Variants in SPTLC3 observed in about 807,000 individuals in gnomAD.
The protein encoded by SPTLC3 is serine palmitoyltransferase long chain base subunit 3.
Under a neutral mutation model 59.3 loss-of-function variants are expected in SPTLC3, and 36 were observed. The ratio of observed to expected loss-of-function variants is 0.61; its 90% CI spans 0.47 to 0.80. The LOEUF (loss-of-function observed/expected upper bound fraction) is 0.80, where lower values mean the gene tolerates loss of function less well. Ranked by LOEUF, SPTLC3 falls within the 30% of genes least tolerant of loss-of-function variation. The pLI, the probability that SPTLC3 is intolerant of heterozygous loss-of-function variation, is 0.00. For missense variants in SPTLC3, 625 were observed against 685.1 expected (o/e 0.91, Z 0.98); for synonymous variants, 257 against 240.8 (o/e 1.07, Z -0.62).
At position 13,072,367 on chromosome 20, in the gene SPTLC3, G is replaced by A. The variant is rs1427113396; in HGVS notation, c.415G>A (p.Asp139Asn). ...CTGCAGTGCCCCAGGGCCTCTGTTT[G>A]ATTTGATGGAGAGGGTATCAGACGA... ...PICSAPGPLF[D>N]LMERVSDDYN... Residue 139 changes from aspartate (D) to asparagine (N), a missense_variant, in exon 3 of 12, where the codon GAT becomes AAT. Physicochemically the swap from Asp to Asn is conservative, Grantham distance 23. Transcript: ENST00000399002. 6.2e-7 allele frequency: 1 copy of A among 1,613,116 alleles called. No individual in the cohort carries two copies. The highest frequency in any genetic ancestry group is 1.3e-5 in the African/African-American group (1 of 74,974).
At chr20:13,126,343 A>G (rs2037989636) in intron 8 of SPTLC3, among the ~76,000 whole-genome samples, 1 of 152,248 alleles carries the variant, frequency 6.6e-6, no homozygotes, top group South Asian at 2.1e-4. Flanking sequence ...GTTTTGCCTT[A>G]AAGTTCAACT....
intron 6 of SPTLC3, among the ~76,000 whole-genome samples, chr20:13,094,115 C>A (rs1423891167): frequency 2.0e-5 from 3 of 152,088 alleles, no homozygotes; most frequent in African/African-American, 2.4e-5. Context: ...GCTATTTCTT[C>A]TTTTAGGGTC....
intron 2 of SPTLC3, among the ~76,000 whole-genome samples, chr20:13,056,128 CA>C (rs1267325647): frequency 6.6e-6 from 1 of 152,192 alleles, no homozygotes; most frequent in Non-Finnish European, 1.5e-5. Flanking sequence ...GCCTGCACTT[CA>C]ACACTTGCCC....
chr20:13,148,418 A>C (rs1228271582), intron 9 of SPTLC3, among the ~76,000 whole-genome samples: 1 of 152,140 alleles, frequency 6.6e-6, no homozygotes, highest in Non-Finnish European at 1.5e-5. Context: ...AACCACCCTC[A>C]GGGGTGGGGT....
At chr20:13,096,602 T>C (rs1486392885) in intron 6 of SPTLC3, among the ~76,000 whole-genome samples, 4 of 152,118 alleles carry the variant, frequency 2.6e-5, no homozygotes, top group Non-Finnish European at 5.9e-5. Context: ...AACTAATCTA[T>C]GATGATAGAA....
chr20:13,076,338 T>C (rs901599460), intron 4 of SPTLC3, among the ~76,000 whole-genome samples: 11 of 152,214 alleles, frequency 7.2e-5, no homozygotes, highest in African/African-American at 2.7e-4. Context: ...AGGTAACTTC[T>C]GGAAAACGTG....
At chr20:13,086,861 A>C (rs1989022225) in intron 4 of SPTLC3, among the ~76,000 whole-genome samples, 1 of 151,698 alleles carries the variant, frequency 6.6e-6, no homozygotes, top group Admixed American at 6.6e-5. Flanking sequence ...TGGTGTGATC[A>C]TAGCTCACTT....
intron 2 of SPTLC3, among the ~76,000 whole-genome samples, chr20:13,057,958 C>T (rs1011715468): frequency 1.3e-5 from 2 of 152,138 alleles, no homozygotes; most frequent in Non-Finnish European, 2.9e-5. Flanking sequence ...TTCTACAGGT[C>T]CGCATTTCTC....
chr20:13,083,006 C>T (rs1988891030), intron 4 of SPTLC3, among the ~76,000 whole-genome samples: 1 of 152,138 alleles, frequency 6.6e-6, no homozygotes, highest in South Asian at 2.1e-4. Context: ...AAATGTAATA[C>T]CAATCCATTT....
At chr20:13,026,120 G>C (rs1461005081) in intron 1 of SPTLC3, among the ~76,000 whole-genome samples, 2 of 152,138 alleles carry the variant, frequency 1.3e-5, no homozygotes, top group Non-Finnish European at 2.9e-5. Context: ...TCTTTATCCA[G>C]TTTGTCACTG....
intron 6 of SPTLC3, among the ~76,000 whole-genome samples, chr20:13,106,253 C>A (rs537607104): frequency 6.6e-6 from 1 of 152,122 alleles, no homozygotes; most frequent in African/African-American, 2.4e-5. Context: ...AGGAAAAGAA[C>A]ATTGATGCAA....
intron 7 of SPTLC3, 28 bp downstream of exon 7, chr20:13,110,245 G>T: frequency 6.3e-7 from 1 of 1,587,146 alleles, no homozygotes; most frequent in South Asian, 1.1e-5. Context: ...CACATTTTAC[G>T]ACTCGGAGGC....
chr20:13,103,767 T>G (rs1989717298), intron 6 of SPTLC3, among the ~76,000 whole-genome samples: 1 of 152,050 alleles, frequency 6.6e-6, no homozygotes, highest in Non-Finnish European at 1.5e-5. Flanking sequence ...TCTAGGCCTT[T>G]GGAAAACCCA....
intron 6 of SPTLC3, 65 bp downstream of exon 6, chr20:13,093,642 A>T: frequency 6.8e-7 from 1 of 1,468,202 alleles, no homozygotes; most frequent in South Asian, 1.2e-5. Flanking sequence ...AAGATTATTG[A>T]TGAGGCTTTG....
At chr20:13,114,846 A>G (rs1223761559) in intron 7 of SPTLC3, among the ~76,000 whole-genome samples, 2 of 152,138 alleles carry the variant, frequency 1.3e-5, no homozygotes, top group Non-Finnish European at 2.9e-5. Context: ...AGTGGCTAAT[A>G]TGGTTTATAT....
At chr20:13,086,714 G>A (rs1294912183) in intron 4 of SPTLC3, among the ~76,000 whole-genome samples, 1 of 152,114 alleles carries the variant, frequency 6.6e-6, no homozygotes, top group Non-Finnish European at 1.5e-5. Context: ...TGTGTCTGGG[G>A]ACTTCAGACC....
intron 1 of SPTLC3, among the ~76,000 whole-genome samples, chr20:13,040,087 A>T (rs1431442): frequency 0.1 from 15,310 of 151,534 alleles, 909 homozygotes; most frequent in African/African-American, 0.16. Flanking sequence ...GTATGTATAC[A>T]TATTGAGAAA....
chr20:13,142,646 C>T (rs1432751700), intron 9 of SPTLC3, among the ~76,000 whole-genome samples: 1 of 152,194 alleles, frequency 6.6e-6, no homozygotes, highest in African/African-American at 2.4e-5. Flanking sequence ...AGTCTGGGCA[C>T]AGTGTATTCT....
intron 1 of SPTLC3, among the ~76,000 whole-genome samples, chr20:13,039,482 CTT>C (rs1986880115): frequency 6.6e-6 from 1 of 151,968 alleles, no homozygotes; most frequent in Non-Finnish European, 1.5e-5. Context: ...CATTCTTTTA[CTT>C]TTAACTTGTT....
Sources: gnomAD v4.1 joint callset for allele counts (sites outside exome capture counted in the v4.1 genomes callset) on GRCh38, gnomAD v4.1.1 for gene constraint, MANE v1.5 for transcripts, NCBI Gene and HGNC (gene_info 2026-07-23, HGNC 2026-07-21) for gene names.